The following COG2 variants were observed in gnomAD, a reference collection of about 807,000 sequenced individuals.
The protein encoded by COG2 is conserved oligomeric Golgi complex subunit 2.
Under a neutral mutation model 90.6 loss-of-function variants are expected in COG2, and 52 were observed. The ratio of observed to expected loss-of-function variants is 0.57; its 90% confidence interval spans 0.46 to 0.72. The LOEUF is 0.72. Ranked by LOEUF, COG2 falls within the 30% of genes least tolerant of loss-of-function variation. The probability of loss-of-function intolerance (pLI) is 0.00; values close to 1 mark genes in which losing one functional copy is unlikely to be tolerated. For synonymous variants in COG2, 337 were observed against 320.4 expected (o/e 1.05, Z -0.55); for missense variants, 829 against 891.2 (o/e 0.93, Z 0.89).
At chr1:230,642,805 C>T (rs1473913341) in intron 1 of COG2, 127 bp downstream of exon 1, 9 of 829,920 alleles carry the variant, frequency 1.1e-5, no homozygotes, top group Admixed American at 2.9e-5. Flanking sequence ...CCGCCGAGAC[C>T]TCGCTGCACT....
At chr1:230,664,141 A>T (rs1183978543) in intron 4 of COG2, among the ~76,000 whole-genome samples, 1 of 152,120 alleles carries the variant, frequency 6.6e-6, no homozygotes, top group Non-Finnish European at 1.5e-5. Flanking sequence ...GTGAGCCAAG[A>T]TCACAGCACT....
chr1:230,664,976 C>T (rs1176834750), intron 5 of COG2, among the ~76,000 whole-genome samples: 2 of 152,206 alleles, frequency 1.3e-5, no homozygotes, highest in African/African-American at 2.4e-5. Context: ...TCAAAATGCA[C>T]GAGTGTTATT....
chr1:230,655,813 A>G (rs1170548807), intron 1 of COG2, among the ~76,000 whole-genome samples: 2 of 152,050 alleles, frequency 1.3e-5, no homozygotes, highest in Non-Finnish European at 2.9e-5. Flanking sequence ...AACTTCTTCC[A>G]GGTTTGGCCT....
chr1:230,681,569 C>T (rs1662749739), intron 10 of COG2: 1 of 152,166 alleles, frequency 6.6e-6, no homozygotes, highest in Admixed American at 6.5e-5. Flanking sequence ...CTGTGATGTT[C>T]GTGGAGGAAT....
chr1:230,669,626 A>G, intron 7 of COG2, 91 bp downstream of exon 7: 1 of 1,180,178 alleles, frequency 8.5e-7, no homozygotes, highest in Non-Finnish European at 1.2e-6. Flanking sequence ...GAGAGAACAG[A>G]GATCTTTCTG....
Position 230,671,621 on chromosome 1 carries a change from A to G in COG2, c.880A>G (p.Thr294Ala). The change falls in exon 8 of 18, where the codon ACA becomes GCA. Residue 294 changes from threonine (T) to alanine (A), a missense_variant. By Grantham distance (58) the Thr-to-Ala change is moderately conservative. Coordinates refer to ENST00000366669, the MANE Select transcript of COG2 (RefSeq NM_007357.3). ...CCATTGCCGCCTTCTTCGAGAAGTC[A>G]CAGGAGGTGCCATCTCCAGGTAATT... ...PHHCRLLREV[T>A]GGAISSEKGN... 6.2e-7 allele frequency: 1 copy of G among 1,613,764 alleles called. No individual in the cohort carries two copies. The highest frequency in any genetic ancestry group is 8.5e-7 in the Non-Finnish European group (1 of 1,179,782).
Position 230,668,675 on chromosome 1 carries a change from GC to G in COG2, c.490del (p.Leu164PhefsTer2). 1 of 1,595,232 alleles carries G rather than the reference GC, an allele frequency of 6.3e-7. No homozygotes were observed. The highest frequency in any genetic ancestry group is 8.6e-7 in the Non-Finnish European group (1 of 1,164,744). ...ACTTCTATAACTGTTTTCTCTACTA[GC>G]CCCCTTTTGACTGGACAAATTTTGG... ...SKETSALEASSPLLTGQILER... is the reference protein window; with the variant it reads ...SKETSALEASXPLLTGQILER... On this transcript the variant is annotated frameshift_variant and splice_region_variant, in exon 6 of 18. Transcript: ENST00000366669. LOFTEE classifies it high-confidence loss of function.
chr1:230,675,935 C>T (rs1335400902), intron 9 of COG2, among the ~76,000 whole-genome samples: 1 of 152,006 alleles, frequency 6.6e-6, no homozygotes, highest in African/African-American at 2.4e-5. Context: ...GATTTCAGCC[C>T]CCATGTCCAG....
At chr1:230,678,657 CA>C in intron 9 of COG2, 1 of 1,400,098 alleles carries the variant, frequency 7.1e-7, no homozygotes, top group Non-Finnish European at 9.4e-7. Context: ...ATTTAAAGAG[CA>C]CCAGACTTAG....
At chr1:230,679,630 T>C (rs943579) in intron 10 of COG2, 124,693 of 152,210 alleles carry the variant, frequency 0.82, 51,583 homozygotes, top group South Asian at 0.9. Context: ...CCAGGTTTCA[T>C]GATGATATCA....
chr1:230,666,820 G>T (rs1172180091), intron 5 of COG2, among the ~76,000 whole-genome samples: 1 of 152,068 alleles, frequency 6.6e-6, no homozygotes, highest in Non-Finnish European at 1.5e-5. Context: ...TGTGCTAAGT[G>T]GAAAAAAAGC....
intron 9 of COG2, chr1:230,678,315 G>A: frequency 4.1e-6 from 4 of 985,392 alleles, no homozygotes; most frequent in South Asian, 4.7e-5. Flanking sequence ...GGATGATGAT[G>A]ATGATGATGA....
chr1:230,672,411 C>G (rs1474515998), intron 8 of COG2, among the ~76,000 whole-genome samples: 1 of 152,196 alleles, frequency 6.6e-6, no homozygotes, highest in Non-Finnish European at 1.5e-5. Flanking sequence ...CTGCCTTTCC[C>G]CAGCTCCCTT....
At chr1:230,682,472 C>T (rs991932547) in intron 10 of COG2, 1 of 152,222 alleles carries the variant, frequency 6.6e-6, no homozygotes, top group Non-Finnish European at 1.5e-5. Context: ...CTTTTGTAAG[C>T]TTCACTGGGC....
intron 5 of COG2, 52 bp from the exon 6 acceptor site, chr1:230,668,624 G>T: frequency 4.5e-6 from 5 of 1,116,842 alleles, no homozygotes; most frequent in Non-Finnish European, 6.6e-6. Flanking sequence ...ATGTATTCTC[G>T]TGGAAATAGA....
intron 4 of COG2, 68 bp from the exon 5 acceptor site, chr1:230,664,416 A>C: frequency 1.6e-6 from 1 of 640,518 alleles, no homozygotes; most frequent in South Asian, 2.8e-5. Flanking sequence ...TCCTGTACTT[A>C]GGATGATGAA....
chr1:230,646,794 G>C (rs1009104445), intron 1 of COG2, among the ~76,000 whole-genome samples: 11 of 152,038 alleles, frequency 7.2e-5, no homozygotes, highest in African/African-American at 2.7e-4. Flanking sequence ...ATCTGGTTGT[G>C]AGTCAGATGT....
rs779507012 is a variant in COG2 at position 230,691,396 on chromosome 1, C to T, written c.1947C>T (p.Thr649=). The T allele has an allele frequency of 2.4e-5, 39 of 1,611,714 alleles. No individual in the cohort carries two copies. Among genetic ancestry groups the T allele is most frequent in the Admixed American group, 1.7e-4 (10 of 59,478 alleles). The change falls in exon 17 of 18, where the codon ACC becomes ACT. Residue 649 remains threonine, a synonymous_variant. Coordinates refer to ENST00000366669, the MANE Select transcript of COG2 (RefSeq NM_007357.3). ...TCTTCTATTCAAGGTACTATGAAAC[C>T]GTGTCAGATGTATTAAACTCTGTGA... ...LSESTHKYYE[T]VSDVLNSVKK... is the part of the protein sequence containing the mutation.
intron 1 of COG2, among the ~76,000 whole-genome samples, chr1:230,649,560 G>GT: frequency 6.6e-6 from 1 of 152,166 alleles, no homozygotes; most frequent in Non-Finnish European, 1.5e-5. Flanking sequence ...TATTCATAAT[G>GT]TTTGTTTACA....
Sources: allele counts gnomAD v4.1 joint callset (sites outside exome capture counted in the v4.1 genomes callset), GRCh38; gene constraint gnomAD v4.1.1; transcripts MANE v1.5; gene names NCBI Gene and HGNC (gene_info 2026-07-23, HGNC 2026-07-21).